DDX11: variants seen among roughly 807,000 people sequenced by gnomAD.
DDX11 encodes DEAD/H-box helicase 11.
Under a neutral mutation model 125.2 loss-of-function variants are expected in DDX11, and 72 were observed. That is an observed-to-expected ratio of 0.58 (90% CI 0.48 to 0.70). The LOEUF is 0.70. Ranked by LOEUF, DDX11 falls within the 30% of genes least tolerant of loss-of-function variation. DDX11 has a pLI of 0.00. For synonymous variants in DDX11, 347 were observed against 452.6 expected (o/e 0.77, Z 2.96); for missense variants, 883 against 1,165.0 (o/e 0.76, Z 3.52).
In DDX11 at chr12:31,096,916, T is replaced by C; in HGVS notation, c.1688T>C (p.Leu563Pro). ...AGCACCCTGCGACCAGCTTCTCCAC[T>C]GATGCACATCCAAGGCTTCCTGGCA... The part of the protein sequence containing the change: ...QASTLRPASP[L>P]MHIQGFLAAL... Residue 563 changes from leucine (L) to proline (P), a missense_variant, in exon 17 of 27, where the codon CTG (leucine) becomes CCG (proline). This residue lies in a region of DDX11 where 241 missense variants were observed against 279.7 expected (regional missense o/e 0.86). Coordinates refer to ENST00000542838, the MANE Select transcript of DDX11 (RefSeq NM_030653.4). 1 of 1,614,152 alleles carries C rather than the reference T, an allele frequency of 6.2e-7. No individual in the cohort carries two copies. Among genetic ancestry groups the C allele is most frequent in the Non-Finnish European group, 8.5e-7 (1 of 1,180,036 alleles).
chr12:31,078,243 A>T (rs1262742655), intron 1 of DDX11, 147 bp from the exon 2 acceptor site: 5 of 1,569,894 alleles, frequency 3.2e-6, no homozygotes, highest in Non-Finnish European at 4.3e-6. Context: ...GCTGCGAAGG[A>T]TGGAGAGAAC....
intron 2 of DDX11, among the ~76,000 whole-genome samples, chr12:31,080,362 C>T (rs1941648930): frequency 6.6e-6 from 1 of 152,218 alleles, no homozygotes; most frequent in African/African-American, 2.4e-5. Context: ...TCCCTCTTGC[C>T]TCCTCAATCT....
chr12:31,084,444 T>G, intron 3 of DDX11, 139 bp from the exon 4 acceptor site: 1 of 816,436 alleles, frequency 1.2e-6, no homozygotes, highest in South Asian at 1.5e-5. Flanking sequence ...CGGGAGGGGA[T>G]GCGGCAGCCC....
chr12:31,096,677 C>T lies in DDX11; in HGVS notation c.1562C>T (p.Ser521Phe). 6.2e-7 allele frequency: 1 copy of T among 1,614,048 alleles called. No homozygotes were observed. Among genetic ancestry groups the T allele is most frequent in the Non-Finnish European group, 8.5e-7 (1 of 1,179,972 alleles). Residue 521 changes from serine (S) to phenylalanine (F), a missense_variant, in exon 16 of 27, where the codon TCC (serine) becomes TTC (phenylalanine). By Grantham distance (155) the Ser-to-Phe change is radical (BLOSUM62 -2). Coordinates refer to ENST00000542838, the MANE Select transcript of DDX11 (RefSeq NM_030653.4). ...GAACGGTACGGAGCAGTGTTCTCAT[C>T]CCGGGAGCAGCCCAAACTGGCTGGG... Reference protein sequence around the residue: ...FTERYGAVFSSREQPKLAGFQ... With the variant: ...FTERYGAVFSFREQPKLAGFQ...
At chr12:31,079,334 G>A (rs578175042) in intron 2 of DDX11, among the ~76,000 whole-genome samples, 1,697 of 145,844 alleles carry the variant, frequency 0.012, 16 homozygotes, top group African/African-American at 0.033. Context: ...TGTCTTAGTC[G>A]GCCAGGACTG....
intron 11 of DDX11, 46 bp downstream of exon 11, chr12:31,092,938 C>G: frequency 6.2e-7 from 1 of 1,611,038 alleles, no homozygotes; most frequent in South Asian, 1.1e-5. Context: ...CTTGGTGGCC[C>G]CCTGCGTGGG....
chr12:31,089,544 G>GGGTGGC (rs1565880645), intron 8 of DDX11, 54 bp downstream of exon 8: 2 of 1,554,940 alleles, frequency 1.3e-6, no homozygotes, highest in African/African-American at 1.4e-5. Flanking sequence ...AGTGAGGCAG[G>GGGTGGC]GGTGGCAGTG....
Position 31,091,725 on chromosome 12 carries a change from G to A in DDX11, c.1096G>A (p.Val366Met), listed in dbSNP as rs776890809. The change falls in exon 10 of 27, where the codon GTG becomes ATG. Residue 366 changes from valine (V) to methionine (M), a missense_variant. Physicochemically the swap from Val to Met is conservative, Grantham distance 21. Transcript: ENST00000542838. ...RLAIPAAQLV[V>M]LPYQMLLHAA... ...GCCTCATCTCCCCTCCCAGCTGGTG[G>A]TGCTGCCCTATCAGATGCTGCTGCA... The A allele has an allele frequency of 6.2e-7, 1 of 1,612,106 alleles. No homozygotes were observed. The highest frequency in any genetic ancestry group is 8.5e-7 in the Non-Finnish European group (1 of 1,179,230).
chr12:31,098,180 G>GC (rs1483559637), intron 18 of DDX11, among the ~76,000 whole-genome samples, 183 bp downstream of exon 18: 1 of 152,196 alleles, frequency 6.6e-6, no homozygotes, highest in Non-Finnish European at 1.5e-5. Flanking sequence ...CTTTTAGGCT[G>GC]CAGGAGCAGT....
Position 31,101,858 on chromosome 12 carries a change from G to C in DDX11, c.2078G>C (p.Cys693Ser). 1.2e-6 allele frequency: 2 copies of C among 1,613,964 alleles called. No homozygotes were observed. The highest frequency in any genetic ancestry group is 1.7e-6 in the Non-Finnish European group (2 of 1,179,858). ...ATGGACGAGGTGGGTCGCATTCTCT[G>C]TAACCTGTGCGGTGTGGTTCCTGGA... Reference protein sequence around the residue: ...QMMDEVGRILCNLCGVVPGGV... With the variant: ...QMMDEVGRILSNLCGVVPGGV... Residue 693 changes from cysteine (C) to serine (S), a missense_variant, in exon 21 of 27, where the codon TGT (cysteine) becomes TCT (serine). Cys to Ser is a moderately radical substitution (Grantham distance 112, BLOSUM62 -1). This residue lies in a region of DDX11 where 285 missense variants were observed against 346.0 expected (regional missense o/e 0.82). Transcript: ENST00000542838.
intron 12 of DDX11, among the ~76,000 whole-genome samples, chr12:31,093,898 C>CA (rs1011578367): frequency 2.0e-5 from 3 of 147,934 alleles, no homozygotes; most frequent in African/African-American, 7.6e-5. Flanking sequence ...AAGGATACAG[C>CA]ATCACATAGA....
At chr12:31,089,715 C>T in intron 8 of DDX11, 171 bp from the exon 9 acceptor site, 6 of 1,336,528 alleles carry the variant, frequency 4.5e-6, no homozygotes, top group South Asian at 3.8e-5. Context: ...TTCTGGAGAA[C>T]AGAAGTAAAA....
intron 11 of DDX11, 44 bp downstream of exon 11, chr12:31,092,936 C>T (rs774229313): frequency 6.2e-7 from 1 of 1,610,902 alleles, no homozygotes; most frequent in South Asian, 1.1e-5. Context: ...CCCTTGGTGG[C>T]CCCCTGCGTG....
intron 1 of DDX11, among the ~76,000 whole-genome samples, chr12:31,074,743 A>T (rs1213898071): frequency 2.0e-5 from 3 of 152,322 alleles, no homozygotes; most frequent in Middle Eastern, 3.4e-3. Context: ...AGCAGTGCGG[A>T]AAAGCTTTTT....
chr12:31,089,740 G>T, intron 8 of DDX11, 146 bp from the exon 9 acceptor site: 1 of 1,440,648 alleles, frequency 6.9e-7, no homozygotes, highest in Non-Finnish European at 9.5e-7. Flanking sequence ...ACAGTGTTCC[G>T]ATGAGACCAC....
At chr12:31,092,981 C>T (rs143697146) in intron 11 of DDX11, 89 bp downstream of exon 11, 49,607 of 1,519,992 alleles carry the variant, frequency 0.033, 969 homozygotes, top group Non-Finnish European at 0.038. Context: ...TTGGTTCCCA[C>T]CTCTGGCCCG....
At chr12:31,087,580 T>C (rs2429885) in intron 5 of DDX11, 184,337 of 364,962 alleles carry the variant, frequency 0.51, 49,339 homozygotes, top group East Asian at 0.81. Context: ...TCCGAAGGCC[T>C]GAGATGATGA....
chr12:31,076,223 G>A (rs1306777131), intron 1 of DDX11, among the ~76,000 whole-genome samples: 1 of 152,166 alleles, frequency 6.6e-6, no homozygotes, highest in Non-Finnish European at 1.5e-5. Context: ...ATGAGGCCAC[G>A]TGTAAGCGAA....
chr12:31,096,880 A>T lies in DDX11; in HGVS notation c.1652A>T (p.Glu551Val), dbSNP rs755206505. 8.7e-6 allele frequency: 14 copies of T among 1,614,158 alleles called. No individual in the cohort carries two copies. Among genetic ancestry groups the T allele is most frequent in the African/African-American group, 1.3e-5 (1 of 75,038 alleles). Residue 551 changes from glutamate (E) to valine (V), a missense_variant, in exon 17 of 27, where the codon GAG becomes GTG. Physicochemically the swap from Glu to Val is moderately radical, Grantham distance 121. This residue lies in a region of DDX11 where 241 missense variants were observed against 279.7 expected (regional missense o/e 0.86). Coordinates refer to ENST00000542838, the MANE Select transcript of DDX11 (RefSeq NM_030653.4). ...GCAGCTCTTGCAGCCCCTGCAGACG[A>T]GAGTCAGGCCAGCACCCTGCGACCA... The part of the protein sequence containing the change: ...TTEALAAPAD[E>V]SQASTLRPAS...
Sources: gnomAD v4.1 joint callset for allele counts (sites outside exome capture counted in the v4.1 genomes callset) on GRCh38, gnomAD v4.1.1 for gene constraint, gnomAD v4.1.1 regional missense constraint, MANE v1.5 for transcripts, NCBI Gene and HGNC (gene_info 2026-07-23, HGNC 2026-07-21) for gene names.